The following SAMD3 variants were observed in gnomAD, a reference collection of about 807,000 sequenced individuals.
SAMD3 encodes sterile alpha motif domain containing 3, also known as sterile alpha motif domain-containing protein 3.
Under a neutral mutation model 58.5 loss-of-function variants are expected in SAMD3, and 63 were observed. The ratio of observed to expected loss-of-function variants is 1.08; its 90% CI spans 0.88 to 1.33. The LOEUF (loss-of-function observed/expected upper bound fraction) is 1.33, where lower values mean the gene tolerates loss of function less well. SAMD3 is among the 40% of genes most tolerant of loss of function. The pLI is 0.00. For synonymous variants in SAMD3, 220 were observed against 210.3 expected, an observed-to-expected ratio of 1.05 and a Z score of -0.40; for missense variants, 604 against 608.4, an observed-to-expected ratio of 0.99 and a Z score of 0.08.
intron 8 of SAMD3, among the ~76,000 whole-genome samples, chr6:130,170,927 CTT>C (rs1285967913): frequency 6.6e-6 from 1 of 152,166 alleles, no homozygotes; most frequent in Non-Finnish European, 1.5e-5. Context: ...TTTGAATACT[CTT>C]TATTTCTTTC....
At chr6:130,176,264 T>C (rs1021074218) in intron 7 of SAMD3, 1 of 490,320 alleles carries the variant, frequency 2.0e-6, no homozygotes, top group East Asian at 4.1e-5. Context: ...CCCAATGTCA[T>C]ATGGTTATTG....
At chr6:130,311,306 C>A (rs1776149903) in intron 2 of SAMD3, among the ~76,000 whole-genome samples, 1 of 152,166 alleles carries the variant, frequency 6.6e-6, no homozygotes, top group African/African-American at 2.4e-5. Context: ...ATGAAAGAGG[C>A]ATTTTATGAG....
chr6:130,299,140 C>A (rs543880170), intron 2 of SAMD3, among the ~76,000 whole-genome samples: 1 of 152,228 alleles, frequency 6.6e-6, no homozygotes, highest in Non-Finnish European at 1.5e-5. Context: ...ATATTCCACC[C>A]CACAATCACA....
intron 1 of SAMD3, among the ~76,000 whole-genome samples, chr6:130,321,949 T>C (rs1284009790): frequency 6.6e-6 from 1 of 152,168 alleles, no homozygotes. Flanking sequence ...TGTCCCTTTT[T>C]CCCTAGGATC....
intron 1 of SAMD3, among the ~76,000 whole-genome samples, chr6:130,343,740 G>A (rs1234221009): frequency 6.6e-6 from 1 of 152,196 alleles, no homozygotes; most frequent in African/African-American, 2.4e-5. Context: ...TGAGTTGGGT[G>A]GATCACTTGA....
At chr6:130,340,009 G>T (rs1777221461) in intron 1 of SAMD3, among the ~76,000 whole-genome samples, 1 of 152,264 alleles carries the variant, frequency 6.6e-6, no homozygotes, top group Non-Finnish European at 1.5e-5. Context: ...CCCTCAGAGG[G>T]CTCACTCAAT....
At chr6:130,215,387 T>A in intron 2 of SAMD3, 93 bp from the exon 3 acceptor site, 1 of 1,230,164 alleles carries the variant, frequency 8.1e-7, no homozygotes, top group Non-Finnish European at 1.1e-6. Context: ...TTTGCTAGAC[T>A]CCTTTATCTT....
chr6:130,154,273 G>A (rs1365355691), intron 9 of SAMD3, among the ~76,000 whole-genome samples: 1 of 139,060 alleles, frequency 7.2e-6, no homozygotes, highest in Admixed American at 7.2e-5. Context: ...TTCATGGTTA[G>A]GAAAGAGGGT....
At chr6:130,262,930 C>T (rs1019460209) in intron 2 of SAMD3, among the ~76,000 whole-genome samples, 3 of 152,024 alleles carry the variant, frequency 2.0e-5, no homozygotes, top group Admixed American at 2.0e-4. Context: ...ACAGGTTTTC[C>T]TTAAAACACA....
At chr6:130,272,766 G>A (rs1376386199) in intron 2 of SAMD3, among the ~76,000 whole-genome samples, 1 of 152,068 alleles carries the variant, frequency 6.6e-6, no homozygotes, top group African/African-American at 2.4e-5. Flanking sequence ...CTGGTCTCAA[G>A]TACTTGGGTT....
At chr6:130,325,060 TATCC>T (rs3029960) in intron 1 of SAMD3, among the ~76,000 whole-genome samples, 73,714 of 151,828 alleles carry the variant, frequency 0.49, 21,930 homozygotes, top group African/African-American at 0.85. Context: ...TGAAGAACTA[TATCC>T]ATCCATTCAT....
chr6:130,158,556 A>T (rs1319278488), intron 8 of SAMD3, among the ~76,000 whole-genome samples: 1 of 152,244 alleles, frequency 6.6e-6, no homozygotes, highest in Non-Finnish European at 1.5e-5. Flanking sequence ...TAAAGAAAAT[A>T]TAGAAATATT....
At position 130,229,312 on chromosome 6, in the gene SAMD3, A is replaced by G. The variant is rs564468865; in HGVS notation, c.-187-6499T>C. ...GGTAAGATTCCCCACTAGAGCACCC[A>G]TTCATTCCCAATGCCTTAGCAGCGC... On this transcript the variant is annotated intron_variant, in intron 2 of 13. Transcript: ENST00000368134. 2.0e-5 allele frequency among the ~76,000 whole-genome samples: 3 copies of G among 152,324 alleles called. No homozygotes were observed. The South Asian group carries it at 6.2e-4, about 32-fold the overall frequency.
intron 1 of SAMD3, among the ~76,000 whole-genome samples, chr6:130,354,441 A>T (rs549047668): frequency 2.6e-5 from 4 of 152,344 alleles, no homozygotes; most frequent in Admixed American, 2.6e-4. Flanking sequence ...CACCACTGGT[A>T]GACTGGATAA....
chr6:130,186,871 A>C (rs1793031545), intron 5 of SAMD3, among the ~76,000 whole-genome samples: 2 of 149,852 alleles, frequency 1.3e-5, no homozygotes, highest in South Asian at 4.2e-4. Context: ...CCCGGGTTCA[A>C]GCGATTCTCC....
intron 1 of SAMD3, among the ~76,000 whole-genome samples, chr6:130,357,426 C>T (rs1777869149): frequency 6.6e-6 from 1 of 152,134 alleles, no homozygotes; most frequent in Non-Finnish European, 1.5e-5. Flanking sequence ...ACCCGGCCGG[C>T]ATCTTTTAAT....
intron 2 of SAMD3, among the ~76,000 whole-genome samples, chr6:130,250,496 C>G (rs747270265): frequency 6.6e-5 from 10 of 152,044 alleles, no homozygotes; most frequent in Non-Finnish European, 2.9e-5. Flanking sequence ...TAGTATATTT[C>G]CAGAGATGTG....
At chr6:130,186,967 T>C (rs548119087) in intron 5 of SAMD3, among the ~76,000 whole-genome samples, 2 of 151,968 alleles carry the variant, frequency 1.3e-5, no homozygotes, top group Non-Finnish European at 2.9e-5. Flanking sequence ...AGACAGTGTT[T>C]CACCATGTTG....
chr6:130,300,141 G>C (rs1167353828), intron 2 of SAMD3, among the ~76,000 whole-genome samples: 1 of 151,988 alleles, frequency 6.6e-6, no homozygotes, highest in Admixed American at 6.6e-5. Context: ...CCAAAATCTG[G>C]CAAGGACAAA....
Sources: allele counts gnomAD v4.1 joint callset (sites outside exome capture counted in the v4.1 genomes callset), GRCh38; gene constraint gnomAD v4.1.1; transcripts MANE v1.5; gene names NCBI Gene and HGNC (gene_info 2026-07-23, HGNC 2026-07-21).